Variants in MARCO observed in about 807,000 individuals in gnomAD.
The protein encoded by MARCO is macrophage receptor MARCO.
Under a neutral mutation model 70.0 loss-of-function variants are expected in MARCO, and 72 were observed. The ratio of observed to expected loss-of-function variants is 1.03; its 90% confidence interval spans 0.85 to 1.25. The LOEUF (loss-of-function observed/expected upper bound fraction) is 1.25, where lower values mean the gene tolerates loss of function less well. Ranked by LOEUF, MARCO falls within the 50% of genes most tolerant of loss-of-function variation. MARCO has a pLI of 0.00. For synonymous variants in MARCO, 273 were observed against 243.1 expected (o/e 1.12, Z -1.14); for missense variants, 696 against 659.3 (o/e 1.06, Z -0.61).
intron 16 of MARCO, among the ~76,000 whole-genome samples, chr2:118,994,158 G>A (rs546892038): frequency 1.3e-5 from 2 of 152,038 alleles, no homozygotes; most frequent in Non-Finnish European, 2.9e-5. Flanking sequence ...TTTTGTCAAA[G>A]GGTAGAGAAT....
At chr2:118,960,401 G>T (rs1558832991) in intron 1 of MARCO, among the ~76,000 whole-genome samples, 1 of 152,068 alleles carries the variant, frequency 6.6e-6, no homozygotes, top group African/African-American at 2.4e-5. Flanking sequence ...TAGATAGTTT[G>T]TAGATGCAGT....
chr2:118,959,603 A>T (rs1046800694), intron 1 of MARCO, among the ~76,000 whole-genome samples: 2 of 152,222 alleles, frequency 1.3e-5, no homozygotes, highest in Non-Finnish European at 1.5e-5. Flanking sequence ...TAAAAGTAGA[A>T]ATACCATTTG....
At chr2:118,951,008 A>C (rs1200530202) in intron 1 of MARCO, among the ~76,000 whole-genome samples, 1 of 152,206 alleles carries the variant, frequency 6.6e-6, no homozygotes, top group East Asian at 1.9e-4. Flanking sequence ...ATTTAGTCCA[A>C]ATTTAACTTA....
chr2:118,958,407 C>CAA (rs35333881), intron 1 of MARCO, among the ~76,000 whole-genome samples: 11 of 127,438 alleles, frequency 8.6e-5, no homozygotes, highest in East Asian at 2.2e-4. Context: ...GCAATAGCTG[C>CAA]AAAAAAAAAA....
intron 1 of MARCO, among the ~76,000 whole-genome samples, chr2:118,947,399 C>A (rs1679622102): frequency 6.6e-6 from 1 of 152,272 alleles, no homozygotes; most frequent in East Asian, 1.9e-4. Context: ...CAGCCTCAAA[C>A]TCATGGGCTC....
At chr2:118,967,837 G>T (rs1680084552) in intron 1 of MARCO, among the ~76,000 whole-genome samples, 1 of 152,158 alleles carries the variant, frequency 6.6e-6, no homozygotes, top group African/African-American at 2.4e-5. Context: ...AAACATGGTT[G>T]GGCACACATT....
intron 1 of MARCO, among the ~76,000 whole-genome samples, chr2:118,951,523 C>T (rs1459088712): frequency 6.6e-6 from 1 of 152,220 alleles, no homozygotes; most frequent in Non-Finnish European, 1.5e-5. Context: ...CTACTTTGCT[C>T]TCTTAGCAAA....
intron 1 of MARCO, among the ~76,000 whole-genome samples, chr2:118,965,631 T>C (rs542805096): frequency 2.0e-5 from 3 of 152,326 alleles, no homozygotes; most frequent in Non-Finnish European, 4.4e-5. Context: ...ATATAATGGA[T>C]GTTTTGTATA....
rs1680236311 is a variant in MARCO at position 118,974,438 on chromosome 2, C to T, written c.566C>T (p.Thr189Ile). Residue 189 changes from threonine (T) to isoleucine (I), a missense_variant and splice_region_variant, in exon 5 of 17, where the codon ACA (threonine) becomes ATA (isoleucine). By Grantham distance (89) the Thr-to-Ile change is moderately conservative (BLOSUM62 -1). This residue lies in a region of MARCO where 605 missense variants were observed against 537.6 expected (regional missense o/e 1.13). Transcript: ENST00000327097. ...AKGAMGRDGATGPSGPQGPPG... is the reference protein window; with the variant it reads ...AKGAMGRDGAIGPSGPQGPPG... The stretch of plus-strand genomic sequence containing the variant: ...GGGGCTATGGGACGAGATGGAGCAA[C>T]AGGTACGGGTCTTTTTCTTCTGACC... The T allele has an allele frequency of 6.2e-7, 1 of 1,612,648 alleles. No individual in the cohort carries two copies. The highest frequency in any genetic ancestry group is 1.1e-5 in the South Asian group (1 of 90,698).
In MARCO at chr2:118,974,455, C is replaced by G. The variant is rs778874737; in HGVS notation, c.568+15C>G. 6.2e-7 allele frequency: 1 copy of G among 1,611,908 alleles called. No individual in the cohort carries two copies. The highest frequency in any genetic ancestry group is 1.7e-4 in the Middle Eastern group (1 of 6,052). On this transcript the variant is annotated intron_variant, in intron 5 of 16. Coordinates refer to ENST00000327097, the MANE Select transcript of MARCO (RefSeq NM_006770.4). ...TGGAGCAACAGGTACGGGTCTTTTT[C>G]TTCTGACCCTTAATCATTTTCCTCC... is the stretch of plus-strand genomic sequence containing the variant.
rs137896575 is a variant in MARCO at position 118,986,739 on chromosome 2, A to AAAGG, written c.1064-3850_1064-3849insAAGG. ...AAAGAAAGAAAAGAAAGAAAGAAAGAGAAAGAAAGAGAAAGAAAGAAGAAA... is the reference window on the plus strand; with the variant it reads ...AAAGAAAGAAAAGAAAGAAAGAAAGAAAGGGAAAGAAAGAGAAAGAAAGAAGAAA... On this transcript the variant is annotated intron_variant, in intron 12 of 16. Coordinates refer to ENST00000327097, the MANE Select transcript of MARCO (RefSeq NM_006770.4). 9.4e-4 allele frequency among the ~76,000 whole-genome samples: 119 copies of AAAGG among 127,208 alleles called. 13 individuals are homozygous for AAAGG. The highest frequency in any genetic ancestry group is 4.1e-3 in the African/African-American group (96 of 23,670). 83.5% of individuals were successfully genotyped at this position (127,208 alleles called of 152,430 possible).
At chr2:118,965,680 T>C (rs1291956380) in intron 1 of MARCO, among the ~76,000 whole-genome samples, 1 of 152,218 alleles carries the variant, frequency 6.6e-6, no homozygotes, top group Non-Finnish European at 1.5e-5. Flanking sequence ...AAAACTTCTA[T>C]TTTAGTAGAC....
chr2:118,942,921 G>A (rs60757360), intron 1 of MARCO, among the ~76,000 whole-genome samples: 1 of 152,140 alleles, frequency 6.6e-6, no homozygotes, highest in Admixed American at 6.5e-5. Flanking sequence ...GTTTGTCTTA[G>A]GTTAAACTCA....
intron 1 of MARCO, 56 bp from the exon 2 acceptor site, chr2:118,969,104 G>A (rs1680111519): frequency 7.9e-7 from 1 of 1,271,688 alleles, no homozygotes; most frequent in South Asian, 1.2e-5. Flanking sequence ...AGCAGGCAGG[G>A]ACTTCCTGTG....
chr2:118,946,525 G>A (rs1270601243), intron 1 of MARCO, among the ~76,000 whole-genome samples: 1 of 152,062 alleles, frequency 6.6e-6, no homozygotes, highest in Non-Finnish European at 1.5e-5. Flanking sequence ...TTATTGAGTA[G>A]CATTCCATGA....
chr2:118,958,774 C>T (rs1408044531), intron 1 of MARCO, among the ~76,000 whole-genome samples: 1 of 152,080 alleles, frequency 6.6e-6, no homozygotes. Flanking sequence ...AGGCCACAGT[C>T]ACCAAAACAG....
chr2:118,977,333 A>T, intron 6 of MARCO, 138 bp from the exon 7 acceptor site: 1 of 707,044 alleles, frequency 1.4e-6, no homozygotes, highest in Non-Finnish European at 2.6e-6. Context: ...AGAGAGAGAG[A>T]GAGTGAGAGT....
At chr2:118,949,205 C>G (rs1017471893) in intron 1 of MARCO, 4 of 152,180 alleles carry the variant, frequency 2.6e-5, no homozygotes, top group Admixed American at 2.6e-4. Context: ...AAAGAGCTAC[C>G]ATGCACTCCA....
At chr2:118,969,079 T>A (rs568630174) in intron 1 of MARCO, 81 bp from the exon 2 acceptor site, 1 of 980,280 alleles carries the variant, frequency 1.0e-6, no homozygotes, top group African/African-American at 1.6e-5. Flanking sequence ...CCTGCTCACA[T>A]GGAGTAGGGC....
Sources: allele counts gnomAD v4.1 joint callset (sites outside exome capture counted in the v4.1 genomes callset), GRCh38; gene constraint gnomAD v4.1.1; regional missense constraint gnomAD v4.1.1; transcripts MANE v1.5; gene names NCBI Gene and HGNC (gene_info 2026-07-23, HGNC 2026-07-21).